CTNNA3: variants seen among roughly 807,000 people sequenced by gnomAD.
CTNNA3 encodes catenin alpha-3.
A neutral mutation model predicts 95.7 loss-of-function variants in CTNNA3; 76 were observed. That is an observed-to-expected ratio of 0.79 (90% CI 0.66 to 0.96). The LOEUF (loss-of-function observed/expected upper bound fraction) is 0.96, where lower values mean the gene tolerates loss of function less well. Among genes scored for constraint, CTNNA3 ranks in the 40% least tolerant of loss-of-function variants. The pLI, the probability that CTNNA3 is intolerant of heterozygous loss-of-function variation, is 0.00. For missense variants in CTNNA3, 1,191 were observed against 1,089.8 expected (o/e 1.09, Z -1.31); for synonymous variants, 431 against 374.4 (o/e 1.15, Z -1.74).
intron 5 of CTNNA3, among the ~76,000 whole-genome samples, chr10:67,418,693 G>A (rs1845631079): frequency 1.3e-5 from 2 of 152,044 alleles, no homozygotes; most frequent in African/African-American, 2.4e-5. Flanking sequence ...AGGGTCAGGG[G>A]CATTATTGGT....
intron 7 of CTNNA3, among the ~76,000 whole-genome samples, chr10:66,808,809 A>G (rs1841761123): frequency 1.3e-5 from 2 of 152,168 alleles, no homozygotes; most frequent in Non-Finnish European, 1.5e-5. Context: ...TCCTTATTTT[A>G]CTTAATGGCC....
intron 11 of CTNNA3, among the ~76,000 whole-genome samples, chr10:66,422,538 AT>A (rs147537322): frequency 1.3e-5 from 2 of 150,184 alleles, no homozygotes; most frequent in Non-Finnish European, 3.0e-5. Flanking sequence ...ACAAGAAGCT[AT>A]TTTTTTTTCA....
intron 5 of CTNNA3, among the ~76,000 whole-genome samples, chr10:67,401,889 C>T (rs1844937420): frequency 6.6e-6 from 1 of 152,198 alleles, no homozygotes; most frequent in Non-Finnish European, 1.5e-5. Context: ...GCAACGAAGA[C>T]ACCATACAGA....
chr10:66,794,888 A>AC (rs11370359), intron 7 of CTNNA3, among the ~76,000 whole-genome samples: 129,451 of 152,120 alleles, frequency 0.85, 55,589 homozygotes, highest in East Asian at 1. Context: ...TCACAAAACA[A>AC]TTCCTTTGTT....
chr10:66,372,406 GGT>G (rs774269170), intron 12 of CTNNA3, among the ~76,000 whole-genome samples: 6 of 152,082 alleles, frequency 3.9e-5, no homozygotes, highest in Non-Finnish European at 7.4e-5. Flanking sequence ...GCTAGTCACA[GGT>G]GTTCTAGAGT....
At chr10:66,385,645 G>T (rs1224439077) in intron 11 of CTNNA3, among the ~76,000 whole-genome samples, 1 of 152,022 alleles carries the variant, frequency 6.6e-6, no homozygotes, top group Non-Finnish European at 1.5e-5. Context: ...CAAAAAAAGA[G>T]AATTTTAGAT....
chr10:66,938,558 G>A (rs1847840411), intron 7 of CTNNA3, among the ~76,000 whole-genome samples: 1 of 152,142 alleles, frequency 6.6e-6, no homozygotes, highest in Non-Finnish European at 1.5e-5. Flanking sequence ...GTAGGCTGAG[G>A]AGGAGATAGA....
intron 7 of CTNNA3, among the ~76,000 whole-genome samples, chr10:67,103,782 C>G (rs1858474933): frequency 6.6e-6 from 1 of 151,458 alleles, no homozygotes; most frequent in African/African-American, 2.4e-5. Context: ...ATTCTGTATT[C>G]AGAATAAATT....
At chr10:66,769,544 G>A (rs930693190) in intron 8 of CTNNA3, among the ~76,000 whole-genome samples, 3 of 152,254 alleles carry the variant, frequency 2.0e-5, no homozygotes, top group East Asian at 1.9e-4. Flanking sequence ...TTTGCTGGGG[G>A]GAACAGTTCC....
chr10:67,169,074 T>C (rs1861903740), intron 7 of CTNNA3, among the ~76,000 whole-genome samples: 1 of 152,132 alleles, frequency 6.6e-6, no homozygotes, highest in Non-Finnish European at 1.5e-5. Context: ...TGAACACAGC[T>C]TACCAGAAAG....
chr10:67,480,450 T>C (rs1261584221), intron 5 of CTNNA3, among the ~76,000 whole-genome samples: 1 of 152,208 alleles, frequency 6.6e-6, no homozygotes, highest in Non-Finnish European at 1.5e-5. Context: ...TTCTTGCTGC[T>C]ATGATGGCTT....
rs552918900 is a variant in CTNNA3, at chr10:66,117,700, C to T, written c.1885-14451G>A. 2.8e-4 allele frequency among the ~76,000 whole-genome samples: 42 copies of T among 152,280 alleles called. No individual in the cohort carries two copies. In the South Asian group the frequency reaches 7.5e-3, roughly 27 times the overall value. ...GCAATATGGCAGCAAATGTGATTCT[C>T]CTATCACTTTATAGTGTTTATGAAA... is the stretch of plus-strand genomic sequence containing the variant. On this transcript the variant is annotated intron_variant, in intron 13 of 17. Coordinates refer to ENST00000433211, the MANE Select transcript of CTNNA3 (RefSeq NM_013266.4).
At chr10:66,832,670 C>A (rs1036876281) in intron 7 of CTNNA3, among the ~76,000 whole-genome samples, 1 of 150,796 alleles carries the variant, frequency 6.6e-6, no homozygotes, top group Non-Finnish European at 1.5e-5. Context: ...TTTTATGACC[C>A]AACTCAAAGT....
intron 11 of CTNNA3, among the ~76,000 whole-genome samples, chr10:66,495,671 A>C (rs1840075703): frequency 6.6e-6 from 1 of 152,028 alleles, no homozygotes; most frequent in South Asian, 2.1e-4. Context: ...TGTTGTTTTG[A>C]GACAGAGTTT....
Position 67,395,658 on chromosome 10 carries a change from T to A in CTNNA3, c.579+126184A>T, listed in dbSNP as rs139445875. ...AGTACAAACAGAACTAACAGAAGCA[T>A]AATGGAACAAATTTCAGAATGTGAA... On this transcript the variant is annotated intron_variant, in intron 5 of 17. Transcript: ENST00000433211. Among the ~76,000 whole-genome samples, 64 of 152,260 alleles carry A rather than the reference T, an allele frequency of 4.2e-4. No homozygotes were observed. The East Asian group carries it at 0.012, about 28-fold the overall frequency.
intron 15 of CTNNA3, among the ~76,000 whole-genome samples, chr10:66,000,734 C>T (rs1227202982): frequency 1.3e-5 from 2 of 152,114 alleles, no homozygotes; most frequent in South Asian, 2.1e-4. Context: ...CTATACTATA[C>T]ACACACTAAT....
chr10:67,089,193 C>T (rs1241404608), intron 7 of CTNNA3, among the ~76,000 whole-genome samples: 1 of 151,910 alleles, frequency 6.6e-6, no homozygotes, highest in East Asian at 1.9e-4. Flanking sequence ...TACTTGTGAC[C>T]TCAGAATAGT....
chr10:66,779,525 T>A (rs1251890451), intron 7 of CTNNA3, among the ~76,000 whole-genome samples: 1 of 113,822 alleles, frequency 8.8e-6, no homozygotes, highest in East Asian at 2.0e-4. Flanking sequence ...CCTGGCTTAT[T>A]TTTTTTTTTG....
chr10:66,504,866 C>G (rs10997204), intron 11 of CTNNA3, among the ~76,000 whole-genome samples: 11,344 of 152,156 alleles, frequency 0.075, 665 homozygotes, highest in Non-Finnish European at 0.12. Context: ...TGAGACAATT[C>G]TAAGCAAATT....
Sources: allele counts gnomAD v4.1 joint callset (sites outside exome capture counted in the v4.1 genomes callset), GRCh38; gene constraint gnomAD v4.1.1; transcripts MANE v1.5; gene names NCBI Gene and HGNC (gene_info 2026-07-23, HGNC 2026-07-21).